FBP1: variants seen among roughly 807,000 people sequenced by gnomAD.
FBP1 encodes fructose-bisphosphatase 1, also known as fructose-1,6-bisphosphatase 1.
Under a neutral mutation model 29.9 loss-of-function variants are expected in FBP1, and 22 were observed. That is an observed-to-expected ratio of 0.74 (90% CI 0.53 to 1.05). The LOEUF is 1.05. Ranked by LOEUF, FBP1 falls within the 50% of genes least tolerant of loss-of-function variation. FBP1 has a pLI of 0.00. For synonymous variants in FBP1, 175 were observed against 178.6 expected (o/e 0.98, Z 0.16); for missense variants, 345 against 448.2 (o/e 0.77, Z 2.08).
At position 94,606,675 on chromosome 9, in the gene FBP1, C is replaced by T. The variant is rs549568450; in HGVS notation, c.705+140G>A. ...AGTCATCAACCAATAGATTTCCACA[C>T]TGCTCAGGAGCCCCACATGAGGCCC... On this transcript the variant is annotated intron_variant, in intron 5 of 6. Transcript: ENST00000375326. 5.5e-5 allele frequency: 43 copies of T among 787,882 alleles called. No homozygotes were observed. The East Asian group carries it at 1.1e-3, about 21-fold the overall frequency. The allele number at this position is 787,882 out of a possible 1,614,324, so 48.8% of individuals were successfully genotyped here.
intron 2 of FBP1, among the ~76,000 whole-genome samples, chr9:94,619,583 C>T (rs890085746): frequency 5.3e-5 from 8 of 152,018 alleles, no homozygotes; most frequent in Admixed American, 3.3e-4. Context: ...TCTCAAAAAG[C>T]AGAGATAACG....
At chr9:94,635,154 T>A (rs1239256065) in intron 1 of FBP1, among the ~76,000 whole-genome samples, 1 of 150,624 alleles carries the variant, frequency 6.6e-6, no homozygotes, top group African/African-American at 2.5e-5. Flanking sequence ...TGAATTCTAA[T>A]TGATTTCTAA....
chr9:94,624,879 G>A (rs953839264), intron 1 of FBP1, among the ~76,000 whole-genome samples: 1 of 151,972 alleles, frequency 6.6e-6, no homozygotes, highest in Non-Finnish European at 1.5e-5. Context: ...GTGATGCCTG[G>A]ATCCAGGAAG....
At chr9:94,626,705 G>T (rs1828031053) in intron 1 of FBP1, among the ~76,000 whole-genome samples, 1 of 152,194 alleles carries the variant, frequency 6.6e-6, no homozygotes, top group Non-Finnish European at 1.5e-5. Flanking sequence ...TTAATTAGCT[G>T]AAGATCACAT....
At chr9:94,622,393 T>C (rs1827962196) in intron 1 of FBP1, among the ~76,000 whole-genome samples, 1 of 152,228 alleles carries the variant, frequency 6.6e-6, no homozygotes. Flanking sequence ...TTGGCCATGA[T>C]GGCGATGTGC....
chr9:94,605,577 C>T lies in FBP1; in HGVS notation c.706-1G>A. The T allele has an allele frequency of 6.2e-7, 1 of 1,613,870 alleles. No homozygotes were observed. Among genetic ancestry groups the T allele is most frequent in the East Asian group, 2.2e-5 (1 of 44,866 alleles). On this transcript the variant is annotated splice_acceptor_variant, in intron 5 of 6. Transcript: ENST00000375326. LOFTEE classifies it high-confidence loss of function. ...GGGCCCCATAAGGAGCTGAATTATC[C>T]TGCAAGTTAAGACCAGCAAGAATTA...
intron 1 of FBP1, among the ~76,000 whole-genome samples, chr9:94,634,730 C>T (rs550887285): frequency 1.1e-4 from 17 of 152,180 alleles, no homozygotes; most frequent in Non-Finnish European, 1.3e-4. Context: ...GCAATGACTC[C>T]TTGGTATCTA....
Position 94,639,405 on chromosome 9 carries a change from A to G in FBP1, c.-95T>C. 7.0e-7 allele frequency: 1 copy of G among 1,419,094 alleles called. No individual in the cohort carries two copies. Among genetic ancestry groups the G allele is most frequent in the Admixed American group, 2.0e-5 (1 of 50,816 alleles). 87.9% of individuals were successfully genotyped at this position (1,419,094 alleles called of 1,614,324 possible). ...AGAGAGGGCAGTAGGCACTGGCCGC[A>G]GGTGCGGAGCTGCAGGTGCGGGCGG... On this transcript the variant is annotated 5_prime_UTR_variant, in exon 1 of 7. Transcript: ENST00000375326.
In FBP1 at chr9:94,610,135, G is replaced by A. The variant is rs1587855254; in HGVS notation, c.427-74C>T. 21 of 1,482,874 alleles carry A rather than the reference G, an allele frequency of 1.4e-5. No homozygotes were observed. The East Asian group carries it at 5.0e-4, about 35-fold the overall frequency. 91.9% of individuals were successfully genotyped at this position (1,482,874 alleles called of 1,614,324 possible). On this transcript the variant is annotated intron_variant, in intron 3 of 6. Coordinates refer to ENST00000375326, the MANE Select transcript of FBP1 (RefSeq NM_000507.4). ...CTTTTTTACAGTTCAACCATTAACAGGAGGCATTCTCAAGGTGCTCTTCTA... is the reference window on the plus strand; with the variant it reads ...CTTTTTTACAGTTCAACCATTAACAAGAGGCATTCTCAAGGTGCTCTTCTA...
chr9:94,623,441 A>G (rs934420593), intron 1 of FBP1, among the ~76,000 whole-genome samples: 1 of 152,182 alleles, frequency 6.6e-6, no homozygotes, highest in African/African-American at 2.4e-5. Flanking sequence ...AGGGAAGTGA[A>G]GTCTGCCCCC....
intron 1 of FBP1, among the ~76,000 whole-genome samples, chr9:94,636,236 T>C (rs1828188466): frequency 1.3e-5 from 2 of 152,096 alleles, no homozygotes; most frequent in Admixed American, 6.6e-5. Context: ...TCCCAGCATT[T>C]TGGGAGGCCA....
Position 94,610,016 on chromosome 9 carries a change from G to C in FBP1, c.472C>G (p.Arg158Gly). Residue 158 changes from arginine to glycine, a missense_variant, in exon 4 of 7, where the codon CGG (arginine) becomes GGG (glycine). Physicochemically the swap from Arg to Gly is moderately radical, Grantham distance 125 (BLOSUM62 -2). Coordinates refer to ENST00000375326, the MANE Select transcript of FBP1 (RefSeq NM_000507.4). ...PSEKDALQPG[R>G]NLVAAGYALY... ...GCGTAGCCGGCTGCCACCAGGTTCC[G>C]GCCTGGTTGCAGAGCATCCTTCTCA... 1 of 1,613,876 alleles carries C rather than the reference G, an allele frequency of 6.2e-7. No homozygotes were observed. The highest frequency in any genetic ancestry group is 8.5e-7 in the Non-Finnish European group (1 of 1,179,734).
chr9:94,606,763 T>C (rs1478517803), intron 5 of FBP1, 52 bp downstream of exon 5: 53 of 1,588,804 alleles, frequency 3.3e-5, no homozygotes, highest in Non-Finnish European at 4.4e-5. Context: ...CAGAACGGCC[T>C]CTGGTGCCAG....
At chr9:94,604,307 G>T (rs1400374850) in intron 6 of FBP1, among the ~76,000 whole-genome samples, 2 of 152,078 alleles carry the variant, frequency 1.3e-5, no homozygotes, top group East Asian at 3.8e-4. Flanking sequence ...AGAGAAAAGT[G>T]CTGGAAAGCA....
At chr9:94,609,112 C>G (rs1159627053) in intron 4 of FBP1, among the ~76,000 whole-genome samples, 1 of 151,728 alleles carries the variant, frequency 6.6e-6, no homozygotes, top group Non-Finnish European at 1.5e-5. Context: ...TCGCTCGAAC[C>G]CAGGAGGCAG....
chr9:94,619,415 AG>A (rs1333382831), intron 2 of FBP1, among the ~76,000 whole-genome samples: 2 of 152,102 alleles, frequency 1.3e-5, no homozygotes, highest in African/African-American at 4.8e-5. Context: ...TAATCTCAGA[AG>A]TTTTTTTTTC....
At chr9:94,637,049 A>G (rs1356332957) in intron 1 of FBP1, among the ~76,000 whole-genome samples, 2 of 152,134 alleles carry the variant, frequency 1.3e-5, no homozygotes, top group African/African-American at 4.8e-5. Flanking sequence ...GCTGTGAGCC[A>G]CCTATACTAG....
intron 6 of FBP1, among the ~76,000 whole-genome samples, chr9:94,604,956 G>A (rs1315801633): frequency 2.0e-5 from 3 of 152,094 alleles, no homozygotes; most frequent in Non-Finnish European, 4.4e-5. Context: ...CGGTGGTGAC[G>A]GCTCACCTGA....
intron 3 of FBP1, among the ~76,000 whole-genome samples, chr9:94,617,132 A>G (rs28745272): frequency 1.8e-4 from 28 of 152,384 alleles, no homozygotes; most frequent in African/African-American, 6.5e-4. Flanking sequence ...TACAGTCTCT[A>G]TCATAACTAC....
Sources: gnomAD v4.1 joint callset for allele counts (sites outside exome capture counted in the v4.1 genomes callset) on GRCh38, gnomAD v4.1.1 for gene constraint, MANE v1.5 for transcripts, NCBI Gene and HGNC (gene_info 2026-07-23, HGNC 2026-07-21) for gene names.